The following RBM45 variants were observed in gnomAD, a reference collection of about 807,000 sequenced individuals.
RBM45 encodes the protein RNA-binding protein 45.
RBM45 carries 39 observed loss-of-function variants against 58.5 expected under a neutral mutation model. That is an observed-to-expected ratio of 0.67 (90% CI 0.52 to 0.87). The LOEUF (loss-of-function observed/expected upper bound fraction) is 0.87, where lower values mean the gene tolerates loss of function less well. RBM45 is among the 40% of genes least tolerant of loss of function. The probability of loss-of-function intolerance (pLI) is 0.00; values close to 1 mark genes in which losing one functional copy is unlikely to be tolerated. For synonymous variants in RBM45, 193 were observed against 203.0 expected (o/e 0.95, Z 0.42); for missense variants, 481 against 581.6 (o/e 0.83, Z 1.78).
At chr2:178,115,729 G>A (rs1211544173) in intron 1 of RBM45, among the ~76,000 whole-genome samples, 1 of 152,126 alleles carries the variant, frequency 6.6e-6, no homozygotes, top group Non-Finnish European at 1.5e-5. Flanking sequence ...AACAATGCAA[G>A]TGCCCTTGTT....
At chr2:178,118,235 T>C in intron 3 of RBM45, 54 bp downstream of exon 3, 2 of 1,498,526 alleles carry the variant, frequency 1.3e-6, no homozygotes, top group Non-Finnish European at 1.8e-6. Context: ...CTGATTATTC[T>C]AAATAGCTGA....
chr2:178,120,351 T>C lies in RBM45; in HGVS notation c.615T>C (p.Tyr205=), dbSNP rs911169272. The C allele has an allele frequency of 1.1e-5, 17 of 1,613,224 alleles. No homozygotes were observed. The highest frequency in any genetic ancestry group is 5.0e-5 in the Admixed American group (3 of 59,948). ...CTGAATCCTCTGAACAAGATTATTA[T>C]AGTAATATGAGGCAAGAAGCTTTGG... is the stretch of plus-strand genomic sequence containing the variant. ...KASESSEQDY[Y]SNMRQEALGH... is the part of the protein sequence containing the mutation. The change falls in exon 4 of 10, where the codon TAT becomes TAC. Residue 205 remains tyrosine, a synonymous_variant. Transcript: ENST00000286070.
chr2:178,124,433 T>G (rs2087899210), intron 8 of RBM45, 143 bp downstream of exon 8: 1 of 459,316 alleles, frequency 2.2e-6, no homozygotes, highest in East Asian at 3.5e-5. Context: ...TTGTATCATC[T>G]TTTTCAATTT....
intron 1 of RBM45, among the ~76,000 whole-genome samples, chr2:178,116,015 G>T (rs555999483): frequency 2.8e-4 from 43 of 152,018 alleles, no homozygotes; most frequent in African/African-American, 1.0e-3. Flanking sequence ...AGCTGGGTGT[G>T]GTGGTGTGTG....
rs1427532172 is a variant in RBM45 at position 178,125,517 on chromosome 2, T to TA, written c.1233-463dup. ...ATGGTTATTTCTGCCATAGAGAATGTAAAAGAAGGGCTGTTAAATAGGGAA... is the reference window on the plus strand; with the variant it reads ...ATGGTTATTTCTGCCATAGAGAATGTAAAAAGAAGGGCTGTTAAATAGGGAA... On this transcript the variant is annotated intron_variant, in intron 8 of 9. Coordinates refer to ENST00000286070, the MANE Select transcript of RBM45 (RefSeq NM_152945.4). 2.0e-5 allele frequency among the ~76,000 whole-genome samples: 3 copies of TA among 152,160 alleles called. No homozygotes were observed. In the East Asian group the frequency reaches 5.8e-4, roughly 29 times the overall value.
Position 178,121,277 on chromosome 2 carries a change from T to A in RBM45, c.771T>A (p.Thr257=), listed in dbSNP as rs1411868841. 9.3e-6 allele frequency: 15 copies of A among 1,606,028 alleles called. No individual in the cohort carries two copies. The highest frequency in any genetic ancestry group is 1.2e-5 in the Non-Finnish European group (14 of 1,175,698). Residue 257 remains threonine (T), a synonymous_variant, in exon 5 of 10, where the codon ACT becomes ACA. Transcript: ENST00000286070. ...CAGTTGTATCAAGAGTTCCTTTCAC[T>A]GAAGAACAGCTTTTCAGCATTTTTG... is the stretch of plus-strand genomic sequence containing the variant. ...RLSVVSRVPF[T]EEQLFSIFDI... is the part of the protein sequence containing the mutation.
chr2:178,128,955 T>C (rs1043642306), intron 9 of RBM45, among the ~76,000 whole-genome samples: 10 of 152,192 alleles, frequency 6.6e-5, no homozygotes, highest in African/African-American at 2.4e-4. Context: ...TTTGTTTCTT[T>C]AATTTTTAAA....
chr2:178,128,596 T>C (rs1174262650), intron 9 of RBM45, among the ~76,000 whole-genome samples: 1 of 152,238 alleles, frequency 6.6e-6, no homozygotes, highest in Non-Finnish European at 1.5e-5. Flanking sequence ...AGGAATTGCA[T>C]TTTCAGCATG....
At chr2:178,129,077 T>C (rs980401567) in intron 9 of RBM45, among the ~76,000 whole-genome samples, 1 of 152,222 alleles carries the variant, frequency 6.6e-6, no homozygotes, top group Non-Finnish European at 1.5e-5. Context: ...GGATATAACA[T>C]TGAAAGTAGT....
intron 3 of RBM45, among the ~76,000 whole-genome samples, chr2:178,135,855 A>G (rs939314737): frequency 6.6e-6 from 1 of 152,256 alleles, no homozygotes; most frequent in African/African-American, 2.4e-5. Context: ...CCTGGAAAAC[A>G]TTAAGTAGGA....
chr2:178,137,533 A>G (rs557075447), exon 4 of RBM45: 7 of 152,360 alleles, frequency 4.6e-5, no homozygotes, highest in African/African-American at 1.7e-4. Flanking sequence ...CTAACTTGCT[A>G]CACTTATAAT....
At chr2:178,118,355 C>T (rs1015405611) in intron 3 of RBM45, among the ~76,000 whole-genome samples, 174 bp downstream of exon 3, 1 of 152,074 alleles carries the variant, frequency 6.6e-6, no homozygotes, top group Non-Finnish European at 1.5e-5. Flanking sequence ...TATGATTAAA[C>T]ATTCATTGAG....
intron 9 of RBM45, among the ~76,000 whole-genome samples, chr2:178,129,040 C>T (rs867261316): frequency 4.3e-4 from 66 of 151,984 alleles, no homozygotes; most frequent in Admixed American, 1.6e-3. Context: ...GTGAGTCATG[C>T]CTAGGAAATA....
intron 4 of RBM45, 37 bp downstream of exon 4, chr2:178,120,446 A>C: frequency 6.5e-7 from 1 of 1,547,324 alleles, no homozygotes; most frequent in Non-Finnish European, 8.7e-7. Context: ...AGTATAATGT[A>C]GTATATGCAA....
chr2:178,134,529 T>G (rs367926783), downstream of RBM45, among the ~76,000 whole-genome samples: 13 of 152,148 alleles, frequency 8.5e-5, 1 homozygote, highest in African/African-American at 3.1e-4. Context: ...CAGCATTCAT[T>G]AGCTCAGAGT....
Position 178,115,102 on chromosome 2 carries a change from G to C in RBM45, c.301-1160G>C, listed in dbSNP as rs2087754748. The stretch of plus-strand genomic sequence containing the variant: ...TAAAAGTTATTCTGTGACCAACTAT[G>C]TTATCTGGCGGAAAGGGGGAAACCT... On this transcript the variant is annotated intron_variant, in intron 1 of 9. Coordinates refer to ENST00000286070, the MANE Select transcript of RBM45 (RefSeq NM_152945.4). Among the ~76,000 whole-genome samples the C allele has an allele frequency of 2.0e-5, 3 of 152,144 alleles. No homozygotes were observed. In the South Asian group the frequency reaches 6.2e-4, roughly 31 times the overall value.
chr2:178,123,508 G>A lies in RBM45; in HGVS notation c.854-14G>A. 2 of 1,550,852 alleles carry A rather than the reference G, an allele frequency of 1.3e-6. No individual in the cohort carries two copies. Among genetic ancestry groups the A allele is most frequent in the Non-Finnish European group, 1.7e-6 (2 of 1,156,130 alleles). ...CTGCTTTCCTTTTTCATTTCTGTAT[G>A]TTCTCTATTTTAGGTCATGGAGTGG... On this transcript the variant is annotated splice_polypyrimidine_tract_variant and intron_variant, in intron 5 of 9. Transcript: ENST00000286070.
chr2:178,117,088 A>G (rs2087786715), intron 2 of RBM45, among the ~76,000 whole-genome samples: 1 of 152,134 alleles, frequency 6.6e-6, no homozygotes, highest in Admixed American at 6.5e-5. Context: ...ATTGTTTTGA[A>G]TTGTAGTTTT....
At chr2:178,136,208 G>C (rs942833048) in intron 3 of RBM45, among the ~76,000 whole-genome samples, 1 of 152,320 alleles carries the variant, frequency 6.6e-6, no homozygotes, top group African/African-American at 2.4e-5. Context: ...TACTTGGGAG[G>C]CTGAGGCAGG....
Sources: allele counts gnomAD v4.1 joint callset (sites outside exome capture counted in the v4.1 genomes callset), GRCh38; gene constraint gnomAD v4.1.1; transcripts MANE v1.5; gene names NCBI Gene and HGNC (gene_info 2026-07-23, HGNC 2026-07-21).